EMC3: variants seen among roughly 807,000 people sequenced by gnomAD.
EMC3 encodes the protein ER membrane protein complex subunit 3.
A neutral mutation model predicts 36.6 loss-of-function variants in EMC3; 13 were observed. That is an observed-to-expected ratio of 0.35 (90% CI 0.23 to 0.56). The LOEUF (loss-of-function observed/expected upper bound fraction) is 0.56, where lower values mean the gene tolerates loss of function less well. Ranked by LOEUF, EMC3 falls within the 20% of genes least tolerant of loss-of-function variation. EMC3 has a pLI of 0.84. For synonymous variants in EMC3, 120 were observed against 111.9 expected, an observed-to-expected ratio of 1.07 and a Z score of -0.46; for missense variants, 220 against 324.5, an observed-to-expected ratio of 0.68 and a Z score of 2.47.
chr3:9,999,226 C>A (rs923071838), intron 1 of EMC3, among the ~76,000 whole-genome samples: 2 of 151,198 alleles, frequency 1.3e-5, no homozygotes, highest in Non-Finnish European at 2.9e-5. Context: ...TATTTAGTTT[C>A]GATAAAGTCA....
intron 7 of EMC3, among the ~76,000 whole-genome samples, chr3:9,965,582 A>T (rs1347762566): frequency 6.6e-6 from 1 of 152,184 alleles, no homozygotes; most frequent in Non-Finnish European, 1.5e-5. Flanking sequence ...TAGTATATTC[A>T]TATGTGCAAC....
intron 1 of EMC3, among the ~76,000 whole-genome samples, chr3:9,995,690 G>A (rs1223185618): frequency 1.3e-5 from 2 of 151,992 alleles, no homozygotes; most frequent in Non-Finnish European, 2.9e-5. Flanking sequence ...AGACTGGAGT[G>A]CAGTTGGCGC....
chr3:9,975,838 A>G (rs1221345454), intron 3 of EMC3, among the ~76,000 whole-genome samples: 1 of 146,646 alleles, frequency 6.8e-6, no homozygotes, highest in African/African-American at 2.5e-5. Context: ...AAAAAAAAAG[A>G]TATCTTGTTT....
chr3:9,987,949 GT>G (rs2085997576), upstream of EMC3: 2 of 1,042,168 alleles, frequency 1.9e-6, no homozygotes, highest in Non-Finnish European at 1.5e-6. Flanking sequence ...GCAGCATTGT[GT>G]TTTGCCATCA....
chr3:9,968,366 T>C (rs1228480678), intron 7 of EMC3, among the ~76,000 whole-genome samples: 1 of 152,272 alleles, frequency 6.6e-6, no homozygotes, highest in East Asian at 1.9e-4. Flanking sequence ...TTAGCTCTGT[T>C]AGTTTTCTTG....
chr3:10,008,514 G>A (rs760004504), intron 1 of EMC3: 1 of 1,361,766 alleles, frequency 7.3e-7, no homozygotes, highest in Non-Finnish European at 9.8e-7. Flanking sequence ...CATGGAGGGT[G>A]GGGAGCAGGC....
At position 9,986,683 on chromosome 3, in the gene EMC3, A is replaced by C. The variant is rs894677053; in HGVS notation, c.-22T>G. On this transcript the variant is annotated 5_prime_UTR_variant, in exon 1 of 8. Transcript: ENST00000245046. ...CCATCTTCACTGAAAGCTGGTTCCC[A>C]GTCTGGAATGGGCGAGCTTCTCTTC... 33 of 1,612,744 alleles carry C rather than the reference A, an allele frequency of 2.0e-5. No homozygotes were observed. The highest frequency in any genetic ancestry group is 2.8e-5 in the Non-Finnish European group (33 of 1,179,164).
At chr3:10,002,571 C>G in intron 1 of EMC3, 1 of 351,650 alleles carries the variant, frequency 2.8e-6, no homozygotes, top group South Asian at 2.2e-5. Flanking sequence ...CAGGCATGAG[C>G]CACCGCGCCA....
chr3:9,986,873 C>T, upstream of EMC3: 4 of 1,370,982 alleles, frequency 2.9e-6, no homozygotes, highest in Non-Finnish European at 3.8e-6. Flanking sequence ...CGTCGTGGCG[C>T]ACCTCAGTGG....
chr3:9,996,031 A>G (rs891165497), intron 1 of EMC3, among the ~76,000 whole-genome samples: 6 of 152,132 alleles, frequency 3.9e-5, no homozygotes, highest in African/African-American at 1.4e-4. Context: ...TAGGGTAGAG[A>G]TGGGTCTGTG....
Position 9,986,530 on chromosome 3 carries a change from G to A in EMC3, c.132C>T (p.Leu44=), listed in dbSNP as rs773068020. The A allele has an allele frequency of 1.2e-6, 2 of 1,614,226 alleles. No homozygotes were observed. Among genetic ancestry groups the A allele is most frequent in the East Asian group, 2.2e-5 (1 of 44,892 alleles). ...VSILLQSDKK[L]TQEQVSDSQV... The stretch of plus-strand genomic sequence containing the variant: ...ACCTGTCAGATACTTGTTCCTGGGT[G>A]AGCTTCTTGTCGCTCTGCAGCAGGA... The change falls in exon 1 of 8, where the codon CTC becomes CTT. Residue 44 remains leucine (L), a synonymous_variant. Transcript: ENST00000245046.
intron 3 of EMC3, among the ~76,000 whole-genome samples, chr3:9,975,278 C>T (rs989803746): frequency 2.0e-5 from 3 of 152,082 alleles, no homozygotes; most frequent in African/African-American, 4.8e-5. Context: ...ATGATGCTGC[C>T]GACAATTATC....
upstream of EMC3, chr3:9,986,989 G>C (rs1210966833): frequency 9.1e-7 from 1 of 1,095,346 alleles, no homozygotes; most frequent in East Asian, 6.4e-5. Flanking sequence ...GCCAAGGTGG[G>C]GGGATCACGA....
rs754228437 is a variant in EMC3, at chr3:9,969,627, A to G, written c.657+92T>C. The G allele has an allele frequency of 3.1e-6, 5 of 1,596,184 alleles. No homozygotes were observed. The African/African-American group carries it at 6.7e-5, about 21-fold the overall frequency. On this transcript the variant is annotated intron_variant, in intron 7 of 7. Coordinates refer to ENST00000245046, the MANE Select transcript of EMC3 (RefSeq NM_001394674.1). ...GTTTAAATTAAAACGATGGAACCAC[A>G]CAACACTCCCTTCAAGGAAGCTATT... is the stretch of plus-strand genomic sequence containing the variant.
At chr3:9,974,602 A>T (rs2085824054) in intron 3 of EMC3, 114 bp from the exon 4 acceptor site, 1 of 660,362 alleles carries the variant, frequency 1.5e-6, no homozygotes, top group Non-Finnish European at 2.6e-6. Flanking sequence ...TCTGTCGCCC[A>T]GGCTGGAGTG....
chr3:9,963,454 G>GATAGATAT lies in EMC3; in HGVS notation c.*614_*615insATATCTAT, dbSNP rs756069988. The stretch of plus-strand genomic sequence containing the variant: ...CGAAGACTGGGCTTCTGCTAAGATA[G>GATAGATAT]ATATATATATATATATATATATATT... On this transcript the variant is annotated 3_prime_UTR_variant, in exon 8 of 8. Transcript: ENST00000245046. 7.4e-4 allele frequency: 74 copies of GATAGATAT among 99,686 alleles called. No individual in the cohort carries two copies. The highest frequency in any genetic ancestry group is 1.4e-3 in the African/African-American group (34 of 23,748). The allele number at this position is 99,686 out of a possible 1,614,324, so 6.2% of individuals were successfully genotyped here.
intron 7 of EMC3, chr3:9,969,249 T>C (rs1348874825): frequency 1.1e-6 from 1 of 914,862 alleles, no homozygotes; most frequent in East Asian, 9.4e-5. Flanking sequence ...TGTGAGCCCC[T>C]GTGCCTGGCC....
At chr3:9,987,983 A>C (rs2085999284), upstream of EMC3, 2 of 934,820 alleles carry the variant, frequency 2.1e-6, no homozygotes, top group South Asian at 2.6e-5. Context: ...TTCCAAGTAA[A>C]GTTAAAAAGT....
At chr3:9,974,298 A>G (rs1447240850) in intron 4 of EMC3, 86 bp downstream of exon 4, 5 of 924,262 alleles carry the variant, frequency 5.4e-6, no homozygotes, top group Non-Finnish European at 8.6e-6. Flanking sequence ...AGTTTACAAA[A>G]GAAAACACAG....
Sources: allele counts gnomAD v4.1 joint callset (sites outside exome capture counted in the v4.1 genomes callset), GRCh38; gene constraint gnomAD v4.1.1; transcripts MANE v1.5; gene names NCBI Gene and HGNC (gene_info 2026-07-23, HGNC 2026-07-21).